WDR47: variants seen among roughly 807,000 people sequenced by gnomAD.
WDR47 encodes WD repeat domain 47, also known as WD repeat-containing protein 47.
A neutral mutation model predicts 97.2 loss-of-function variants in WDR47; 32 were observed. The observed-to-expected ratio is 0.33, with a 90% CI of 0.25 to 0.44. The LOEUF is 0.44. WDR47 is among the 20% of genes least tolerant of loss of function. The pLI, the probability that WDR47 is intolerant of heterozygous loss-of-function variation, is 1.00. For synonymous variants in WDR47, 375 were observed against 373.5 expected, an observed-to-expected ratio of 1.00 and a Z score of -0.05; for missense variants, 782 against 1,102.3, an observed-to-expected ratio of 0.71 and a Z score of 4.11.
chr1:108,986,871 G>T, intron 9 of WDR47, 191 bp from the exon 10 acceptor site: 1 of 482,500 alleles, frequency 2.1e-6, no homozygotes. Flanking sequence ...CCTTTAAGAG[G>T]CAAACACACA....
intron 1 of WDR47, among the ~76,000 whole-genome samples, chr1:109,032,661 G>T (rs887785705): frequency 6.6e-6 from 1 of 152,112 alleles, no homozygotes; most frequent in Non-Finnish European, 1.5e-5. Context: ...ACTTTGGGAG[G>T]CCAGGTGGGC....
chr1:109,017,635 C>G, intron 2 of WDR47, 34 bp from the exon 3 acceptor site: 1 of 1,561,902 alleles, frequency 6.4e-7, no homozygotes, highest in Middle Eastern at 1.7e-4. Context: ...CAGCATGTCA[C>G]CAAATTCAGG....
At chr1:108,974,002 TGC>T (rs1196447235) in intron 14 of WDR47, among the ~76,000 whole-genome samples, 7 of 152,152 alleles carry the variant, frequency 4.6e-5, no homozygotes, top group Admixed American at 3.9e-4. Flanking sequence ...GAGACCAGCC[TGC>T]GCAACATGGC....
chr1:109,005,019 T>G (rs1660490197), intron 5 of WDR47, among the ~76,000 whole-genome samples: 1 of 151,534 alleles, frequency 6.6e-6, no homozygotes, highest in African/African-American at 2.4e-5. Context: ...CTCAAACTCC[T>G]GACCTCAAGC....
chr1:108,986,476 A>C (rs143419732), intron 10 of WDR47, 47 bp downstream of exon 10: 1 of 1,530,816 alleles, frequency 6.5e-7, no homozygotes, highest in East Asian at 2.3e-5. Context: ...TATACGGCTA[A>C]ATTAAAAACT....
At chr1:109,025,920 C>T (rs1438897677) in intron 1 of WDR47, among the ~76,000 whole-genome samples, 12 of 152,154 alleles carry the variant, frequency 7.9e-5, no homozygotes, top group Admixed American at 7.2e-4. Context: ...TCCCAACACA[C>T]CAGCTACCCA....
In WDR47 at chr1:109,023,231, T is replaced by A. The variant is rs1004187722; in HGVS notation, c.158+124A>T. On this transcript the variant is annotated intron_variant, in intron 2 of 14. Transcript: ENST00000369962. The stretch of plus-strand genomic sequence containing the variant: ...AAATAAAATAAAATAAAATATTTTT[T>A]AAAATTATACTTACATAGCCTTTTC... 8.6e-6 allele frequency: 8 copies of A among 928,558 alleles called. No homozygotes were observed. In the East Asian group the frequency reaches 1.0e-4, roughly 12 times the overall value. 57.5% of individuals were successfully genotyped at this position (928,558 alleles called of 1,614,324 possible).
intron 1 of WDR47, among the ~76,000 whole-genome samples, chr1:109,026,341 G>A (rs1353452278): frequency 4.5e-5 from 4 of 89,604 alleles, no homozygotes; most frequent in South Asian, 4.7e-4. Flanking sequence ...ATGAGCCACC[G>A]TGCCCACCTT....
intron 13 of WDR47, 37 bp from the exon 14 acceptor site, chr1:108,974,791 T>C (rs770905777): frequency 6.7e-7 from 1 of 1,498,518 alleles, no homozygotes; most frequent in Non-Finnish European, 9.1e-7. Flanking sequence ...ATACAGAAAA[T>C]CAATATACCC....
chr1:109,003,231 T>C (rs1660345102), intron 6 of WDR47, among the ~76,000 whole-genome samples: 1 of 152,160 alleles, frequency 6.6e-6, no homozygotes, highest in Non-Finnish European at 1.5e-5. Flanking sequence ...GTTTCATCCA[T>C]TATTGTAAGT....
chr1:109,004,584 A>C lies in WDR47; in HGVS notation c.1254+8T>G, dbSNP rs1660448640. ...ACTCTGAAAAACACTAGGTTTAGTA[A>C]ATATTACCTCATTTTTTTCTTGTTT... is the stretch of plus-strand genomic sequence containing the variant. On this transcript the variant is annotated splice_region_variant and intron_variant, in intron 6 of 14. Coordinates refer to ENST00000369962, the MANE Select transcript of WDR47 (RefSeq NM_001142551.2). 6.2e-7 allele frequency: 1 copy of C among 1,607,912 alleles called. No homozygotes were observed. The highest frequency in any genetic ancestry group is 8.5e-7 in the Non-Finnish European group (1 of 1,178,064).
At position 108,976,678 on chromosome 1, in the gene WDR47, G is replaced by A. The variant is rs567123519; in HGVS notation, c.2399-1924C>T. On this transcript the variant is annotated intron_variant, in intron 13 of 14. Coordinates refer to ENST00000369962, the MANE Select transcript of WDR47 (RefSeq NM_001142551.2). Reference sequence around the variant, plus strand: ...GAGTTCAGTAATAGAAAATAATGGCGAGGTCCCAATTAGGTAAGTCAAAGA... The same window carrying A: ...GAGTTCAGTAATAGAAAATAATGGCAAGGTCCCAATTAGGTAAGTCAAAGA... Among the ~76,000 whole-genome samples the A allele has an allele frequency of 5.9e-5, 9 of 152,210 alleles. No individual in the cohort carries two copies. In the South Asian group the frequency reaches 1.5e-3, roughly 25 times the overall value.
At chr1:109,014,805 A>G (rs1308948530) in intron 3 of WDR47, among the ~76,000 whole-genome samples, 1 of 152,184 alleles carries the variant, frequency 6.6e-6, no homozygotes, top group Admixed American at 6.6e-5. Flanking sequence ...TAACCTGTCT[A>G]AGAATCAAAA....
rs766097896 is a variant in WDR47 at position 109,011,066 on chromosome 1, T to C, written c.980A>G (p.His327Arg). The C allele has an allele frequency of 1.2e-6, 2 of 1,614,142 alleles. No homozygotes were observed. The highest frequency in any genetic ancestry group is 1.7e-6 in the Non-Finnish European group (2 of 1,180,026). ...LDGLTCGLTS[H>R]DKRISDLGNK... The stretch of plus-strand genomic sequence containing the variant: ...TCCAAGGTCTGAAATTCTCTTATCA[T>C]GACTGGTTAGTCCACAGGTGAGGCC... The change falls in exon 5 of 15, where the codon CAT (histidine) becomes CGT (arginine). Residue 327 changes from histidine to arginine, a missense_variant. Physicochemically the swap from His to Arg is conservative, Grantham distance 29 (BLOSUM62 0). Transcript: ENST00000369962.
intron 14 of WDR47, 112 bp from the exon 15 acceptor site, chr1:108,971,684 AAT>A: frequency 8.6e-7 from 1 of 1,160,168 alleles, no homozygotes. Flanking sequence ...AAACTACATT[AAT>A]ATAATACATT....
intron 8 of WDR47, chr1:108,992,466 G>A (rs376137006): frequency 2.7e-5 from 42 of 1,565,414 alleles, no homozygotes; most frequent in Non-Finnish European, 3.3e-5. Context: ...CCATTCCGAC[G>A]TTACAATGGT....
Position 109,011,565 on chromosome 1 carries a change from G to A in WDR47, c.481C>T (p.Arg161Ter), listed in dbSNP as rs769385326. Reference protein sequence around the residue: ...EFKDWNPSTARVHCFEEACVM... With the variant: ...EFKDWNPSTA ...CAAGCCTCTTCAAAACAGTGAACTC[G>A]TGCGGTGCTGGGATTCCAGTCCTTA... The change falls in exon 5 of 15, where the codon CGA becomes TGA. Residue 161 changes from arginine (R) to a stop codon, truncating the protein, a stop_gained. Transcript: ENST00000369962. LOFTEE classifies it high-confidence loss of function. 4 of 1,614,016 alleles carry A rather than the reference G, an allele frequency of 2.5e-6. No homozygotes were observed. Among genetic ancestry groups the A allele is most frequent in the African/African-American group, 1.3e-5 (1 of 74,886 alleles).
intron 7 of WDR47, among the ~76,000 whole-genome samples, chr1:108,999,984 A>T (rs577828778): frequency 1.3e-5 from 2 of 152,354 alleles, no homozygotes; most frequent in Non-Finnish European, 2.9e-5. Context: ...AACAGAGGTG[A>T]TAAGAAAATG....
At position 109,023,393 on chromosome 1, in the gene WDR47, G is replaced by T; in HGVS notation, c.120C>A (p.Val40=). ...TATCATCTGAAAACAGGCCATTTAT[G>T]ACTCCACTTTCCTTCTCCAGGGCCA... ...SMLALEKESG[V]INGLFSDDML... is the part of the protein sequence containing the mutation. The change falls in exon 2 of 15, where the codon GTC becomes GTA. Residue 40 remains valine (V), a synonymous_variant. Transcript: ENST00000369962. 1 of 1,613,722 alleles carries T rather than the reference G, an allele frequency of 6.2e-7. No individual in the cohort carries two copies.
Sources: gnomAD v4.1 joint callset for allele counts (sites outside exome capture counted in the v4.1 genomes callset) on GRCh38, gnomAD v4.1.1 for gene constraint, MANE v1.5 for transcripts, NCBI Gene and HGNC (gene_info 2026-07-23, HGNC 2026-07-21) for gene names.